RRM2: variants seen among roughly 807,000 people sequenced by gnomAD.
The protein encoded by RRM2 is ribonucleotide reductase regulatory subunit M2.
A neutral mutation model predicts 45.9 loss-of-function variants in RRM2; 6 were observed. The observed-to-expected ratio is 0.13, with a 90% CI of 0.07 to 0.26. RRM2 has a LOEUF of 0.26. Ranked by LOEUF, RRM2 falls within the 10% of genes least tolerant of loss-of-function variation. The pLI, the probability that RRM2 is intolerant of heterozygous loss-of-function variation, is 1.00. For synonymous variants in RRM2, 177 were observed against 173.0 expected (o/e 1.02, Z -0.18); for missense variants, 343 against 489.5 (o/e 0.70, Z 2.82).
At position 10,204,203 on chromosome 2, in the gene RRM2, G is replaced by A. The variant is rs1040264898; in HGVS notation, n.483-6108G>A. Reference sequence around the variant, plus strand: ...CTTCTTTCACCTGGGGCCTGGCTTCGTCCAACAGCAGAGCCCAACCTCCAG... The same window carrying A: ...CTTCTTTCACCTGGGGCCTGGCTTCATCCAACAGCAGAGCCCAACCTCCAG... On this transcript the variant is annotated intron_variant and non_coding_transcript_variant, in intron 3 of 3. Coordinates refer to the RRM2 transcript ENST00000381786. This position sits in a 1 kb window ranked among gnomAD's most constrained non-coding sequence, Gnocchi z 4.0. Among the ~76,000 whole-genome samples, 1 of 152,066 alleles carries A rather than the reference G, an allele frequency of 6.6e-6. No individual in the cohort carries two copies. Among genetic ancestry groups the A allele is most frequent in the African/African-American group, 2.4e-5 (1 of 41,414 alleles).
chr2:10,153,844 G>A (rs1663369146), intron 3 of RRM2, among the ~76,000 whole-genome samples: 1 of 152,230 alleles, frequency 6.6e-6, no homozygotes, highest in Non-Finnish European at 1.5e-5. Context: ...AAAATTTATA[G>A]AGATGGAAAA....
chr2:10,146,578 C>T (rs564464341), intron 3 of RRM2, among the ~76,000 whole-genome samples: 2 of 152,366 alleles, frequency 1.3e-5, no homozygotes, highest in East Asian at 1.9e-4. Context: ...CACTGGGCAA[C>T]GCTGTGTCCC....
Position 10,150,787 on chromosome 2 carries a change from T to TTTTC in RRM2, n.482+8415_482+8416insCTTT, listed in dbSNP as rs1553324049. ...GTGTGTTGTGTTTTTTTTTTTTTTT[T>TTTTC]TTTGATGTGGTTTCTCTCACTTAGC... On this transcript the variant is annotated intron_variant and non_coding_transcript_variant, in intron 3 of 3. Transcript: ENST00000381786. Among the ~76,000 whole-genome samples, 61 of 148,164 alleles carry TTTTC rather than the reference T, an allele frequency of 4.1e-4. 1 individual carries two copies. Among genetic ancestry groups the TTTTC allele is most frequent in the Middle Eastern group, 3.4e-3 (1 of 290 alleles).
intron 3 of RRM2, among the ~76,000 whole-genome samples, chr2:10,147,833 C>G (rs1418076677): frequency 3.3e-5 from 5 of 151,998 alleles, no homozygotes; most frequent in Non-Finnish European, 4.4e-5. Context: ...CCCCCTCCCC[C>G]ATAAGAAAGA....
Position 10,179,128 on chromosome 2 carries a change from C to T in RRM2, n.483-31183C>T, listed in dbSNP as rs116360556. Among the ~76,000 whole-genome samples, 598 of 152,196 alleles carry T rather than the reference C, an allele frequency of 3.9e-3. 3 individuals are homozygous for T. The highest frequency in any genetic ancestry group is 0.013 in the African/African-American group (558 of 41,518). On this transcript the variant is annotated intron_variant and non_coding_transcript_variant, in intron 3 of 3. Coordinates refer to the RRM2 transcript ENST00000381786. ...GTGGTGTTTCTGGATTTGGACATAC[C>T]GCAGTATGTCTGGCATTCATCCTTT...
At chr2:10,159,636 C>G (rs1663514006) in intron 3 of RRM2, among the ~76,000 whole-genome samples, 1 of 152,354 alleles carries the variant, frequency 6.6e-6, no homozygotes, top group East Asian at 1.9e-4. Flanking sequence ...TTAGGCGTCA[C>G]TGGGTTGAAA....
intron 3 of RRM2, among the ~76,000 whole-genome samples, chr2:10,163,269 A>G (rs1210494672): frequency 6.9e-6 from 1 of 145,270 alleles, no homozygotes; most frequent in Non-Finnish European, 1.5e-5. Context: ...TTGATGGTGA[A>G]TGTCAGCCTG....
chr2:10,154,077 A>G (rs538193270), intron 3 of RRM2, among the ~76,000 whole-genome samples: 1 of 152,354 alleles, frequency 6.6e-6, no homozygotes, highest in Non-Finnish European at 1.5e-5. Flanking sequence ...TATTTTTAAA[A>G]AAGCATATTC....
chr2:10,150,816 G>GT (rs1553324061), intron 3 of RRM2, among the ~76,000 whole-genome samples: 64 of 96,890 alleles, frequency 6.6e-4, no homozygotes, highest in African/African-American at 2.1e-3. Flanking sequence ...ACTTAGCATA[G>GT]TTTTTTTTTC....
chr2:10,179,358 G>A (rs1262687231), intron 3 of RRM2, among the ~76,000 whole-genome samples: 2 of 152,034 alleles, frequency 1.3e-5, no homozygotes, highest in East Asian at 1.9e-4. Context: ...CACCACGTTG[G>A]CCAGGCTGGT....
chr2:10,129,714 G>A lies in RRM2; in HGVS notation c.*328G>A. On this transcript the variant is annotated 3_prime_UTR_variant, in exon 10 of 10. Transcript: ENST00000304567. The surrounding 1 kb of genome is among the most constrained non-coding windows in gnomAD (Gnocchi z 4.8). ...CCAGCACAGCCAGTTAAAAGATGCAGCCTCACTGCTTCAACGCAGATTTTA... is the reference window on the plus strand; with the variant it reads ...CCAGCACAGCCAGTTAAAAGATGCAACCTCACTGCTTCAACGCAGATTTTA... 1 of 249,466 alleles carries A rather than the reference G, an allele frequency of 4.0e-6. No individual in the cohort carries two copies. 15.5% of individuals were successfully genotyped at this position (249,466 alleles called of 1,614,324 possible). A position where few individuals can be genotyped will look rare whatever the true frequency, so the allele number is the denominator to read the frequency against.
At chr2:10,197,750 A>T (rs753165109) in intron 3 of RRM2, among the ~76,000 whole-genome samples, 2 of 152,210 alleles carry the variant, frequency 1.3e-5, no homozygotes, top group Non-Finnish European at 2.9e-5. Context: ...ACTCCCATGC[A>T]GGAACTAAGT....
intron 3 of RRM2, chr2:10,155,641 C>T (rs925345286): frequency 1.3e-5 from 2 of 152,398 alleles, no homozygotes; most frequent in African/African-American, 4.8e-5. Context: ...CAGAATGCCT[C>T]CTTTCTGCCT....
Position 10,187,974 on chromosome 2 carries a change from G to A in RRM2, n.483-22337G>A, listed in dbSNP as rs572950314. ...AAGTTCTCCGGCCCCACACTAGACT[G>A]ACTGAATCAGAAACTCGGGGCGGTG... is the stretch of plus-strand genomic sequence containing the variant. On this transcript the variant is annotated intron_variant and non_coding_transcript_variant, in intron 3 of 3. Coordinates refer to the RRM2 transcript ENST00000381786. 7.5e-5 allele frequency among the ~76,000 whole-genome samples: 11 copies of A among 147,264 alleles called. No homozygotes were observed. The South Asian group carries it at 2.3e-3, about 31-fold the overall frequency.
intron 3 of RRM2, among the ~76,000 whole-genome samples, chr2:10,164,760 C>T: frequency 6.6e-6 from 1 of 152,128 alleles, no homozygotes; most frequent in East Asian, 1.9e-4. Context: ...GCAGGAGGTG[C>T]CCCCGTCACT....
intron 3 of RRM2, chr2:10,145,705 G>A (rs1663173424): frequency 6.6e-6 from 1 of 152,182 alleles, no homozygotes; most frequent in Non-Finnish European, 1.5e-5. Context: ...AAGAGACTTG[G>A]GGCAGCTCCC....
At position 10,205,441 on chromosome 2, in the gene RRM2, G is replaced by C. The variant is rs1201663804; in HGVS notation, n.483-4870G>C. Among the ~76,000 whole-genome samples, 2 of 152,178 alleles carry C rather than the reference G, an allele frequency of 1.3e-5. No individual in the cohort carries two copies. The highest frequency in any genetic ancestry group is 2.9e-5 in the Non-Finnish European group (2 of 68,032). On this transcript the variant is annotated intron_variant and non_coding_transcript_variant, in intron 3 of 3. Transcript: ENST00000381786. This position sits in a 1 kb window ranked among gnomAD's most constrained non-coding sequence, Gnocchi z 4.8. Reference sequence around the variant, plus strand: ...TTATGAAGACTTCCACCTCATACAGGATGAATGATTCTCTTCTCCATTCCC... The same window carrying C: ...TTATGAAGACTTCCACCTCATACAGCATGAATGATTCTCTTCTCCATTCCC...
intron 3 of RRM2, among the ~76,000 whole-genome samples, chr2:10,193,498 C>T (rs1420708282): frequency 2.4e-4 from 36 of 152,382 alleles, no homozygotes; most frequent in Admixed American, 2.3e-3. Flanking sequence ...CTGCAAACAG[C>T]CTCTGCATCA....
intron 5 of RRM2, chr2:10,126,433 T>C (rs1039878036): frequency 1.4e-4 from 23 of 160,194 alleles, no homozygotes; most frequent in African/African-American, 5.0e-4. Flanking sequence ...TTTTATGATA[T>C]AGGTGTGGCA....
Sources: gnomAD v4.1 joint callset for allele counts (sites outside exome capture counted in the v4.1 genomes callset) on GRCh38, gnomAD v4.1.1 for gene constraint, Gnocchi (gnomAD v3.1) non-coding constraint, MANE v1.5 for transcripts, NCBI Gene and HGNC (gene_info 2026-07-23, HGNC 2026-07-21) for gene names.